Variants in GRK5 observed in about 807,000 individuals in gnomAD.
GRK5 encodes the protein G protein-coupled receptor kinase 5, also known as g protein-coupled receptor kinase GRK5.
GRK5 carries 40 observed loss-of-function variants against 78.4 expected under a neutral mutation model. The observed-to-expected ratio is 0.51, with a 90% CI of 0.40 to 0.66. The LOEUF (loss-of-function observed/expected upper bound fraction) is 0.66. Among genes scored for constraint, GRK5 ranks in the 30% least tolerant of loss-of-function variants. GRK5 has a pLI of 0.00. For missense variants in GRK5, 598 were observed against 759.9 expected (o/e 0.79, Z 2.50); for synonymous variants, 289 against 296.8 (o/e 0.97, Z 0.27).
intron 2 of GRK5, among the ~76,000 whole-genome samples, chr10:119,338,047 G>A (rs1850923324): frequency 6.6e-6 from 1 of 152,182 alleles, no homozygotes; most frequent in African/African-American, 2.4e-5. Context: ...TGAGGTAATG[G>A]GGATTAGGAC....
At chr10:119,385,616 G>A (rs1042743974) in intron 3 of GRK5, among the ~76,000 whole-genome samples, 2 of 152,232 alleles carry the variant, frequency 1.3e-5, no homozygotes, top group Admixed American at 6.5e-5. Flanking sequence ...GACTTGTGTG[G>A]AAGGTGTATT....
rs2133704118 is a variant in GRK5, at chr10:119,217,572, T to A, written c.52+9603T>A. Among the ~76,000 whole-genome samples, 1 of 152,350 alleles carries A rather than the reference T, an allele frequency of 6.6e-6. No individual in the cohort carries two copies. Among genetic ancestry groups the A allele is most frequent in the Non-Finnish European group, 1.5e-5 (1 of 68,030 alleles). On this transcript the variant is annotated intron_variant, in intron 1 of 15. Coordinates refer to ENST00000392870, the MANE Select transcript of GRK5 (RefSeq NM_005308.3). This position sits in a 1 kb window ranked among gnomAD's most constrained non-coding sequence, Gnocchi z 4.1. Reference sequence around the variant, plus strand: ...GCGTTATTTTTCCCCTCAGCATGGCTAGTGGCCAACGAATTGCCCCCAAGG... The same window carrying A: ...GCGTTATTTTTCCCCTCAGCATGGCAAGTGGCCAACGAATTGCCCCCAAGG...
intron 1 of GRK5, among the ~76,000 whole-genome samples, chr10:119,214,244 G>T (rs1178083360): frequency 2.0e-5 from 3 of 152,166 alleles, no homozygotes; most frequent in Non-Finnish European, 4.4e-5. Flanking sequence ...CAAAGTGCTG[G>T]GATTACAGGC....
intron 2 of GRK5, among the ~76,000 whole-genome samples, chr10:119,373,185 G>C (rs571892102): frequency 1.4e-4 from 21 of 152,292 alleles, no homozygotes; most frequent in African/African-American, 4.6e-4. Flanking sequence ...TTAAAAAACT[G>C]GTTCTTTTCC....
chr10:119,333,792 C>T (rs771796945), intron 2 of GRK5: 3 of 532,956 alleles, frequency 5.6e-6, no homozygotes, highest in Non-Finnish European at 1.2e-5. Flanking sequence ...CGCTGATCTC[C>T]TGGAGCTCAT....
At chr10:119,243,486 AAG>A (rs1292100529) in intron 1 of GRK5, among the ~76,000 whole-genome samples, 8 of 152,208 alleles carry the variant, frequency 5.3e-5, no homozygotes, top group Non-Finnish European at 1.0e-4. Context: ...GTATACAAAA[AAG>A]AGAATTTATG....
intron 10 of GRK5, 110 bp downstream of exon 10, chr10:119,439,878 TC>T: frequency 2.1e-6 from 2 of 957,074 alleles, no homozygotes; most frequent in Non-Finnish European, 1.7e-6. Flanking sequence ...CGGGCCCCAC[TC>T]CCACTGCTCA....
intron 1 of GRK5, among the ~76,000 whole-genome samples, chr10:119,316,247 G>T (rs952888897): frequency 7.2e-5 from 11 of 152,214 alleles, no homozygotes; most frequent in Admixed American, 7.2e-4. Context: ...TCAAACTCTA[G>T]AGTCACCTGT....
At chr10:119,340,150 C>T (rs1850960154) in intron 2 of GRK5, among the ~76,000 whole-genome samples, 1 of 142,896 alleles carries the variant, frequency 7.0e-6, no homozygotes, top group Non-Finnish European at 1.5e-5. Context: ...TTTTTTGAGA[C>T]AGAGTCTCAC....
chr10:119,285,751 T>C (rs1002947631), intron 1 of GRK5, among the ~76,000 whole-genome samples: 2 of 152,146 alleles, frequency 1.3e-5, no homozygotes, highest in Non-Finnish European at 2.9e-5. Flanking sequence ...AAACCTGTTT[T>C]ATAAAAGCCA....
chr10:119,291,525 TTCCTCCTCCTCCTCTTCC>T (rs1803468300), intron 1 of GRK5, among the ~76,000 whole-genome samples: 1 of 120,624 alleles, frequency 8.3e-6, no homozygotes, highest in Non-Finnish European at 1.7e-5. Context: ...CCTCCTCCTC[TTCCTCCTCCTCCTCTTCC>T]TCCTCCTCCT....
At chr10:119,254,260 C>T (rs909996721) in intron 1 of GRK5, among the ~76,000 whole-genome samples, 3 of 152,128 alleles carry the variant, frequency 2.0e-5, no homozygotes, top group Non-Finnish European at 2.9e-5. Flanking sequence ...CCAGAGAGGA[C>T]CTATGACCCT....
Position 119,271,199 on chromosome 10 carries a change from G to A in GRK5, c.53-55317G>A, listed in dbSNP as rs1849578016. On this transcript the variant is annotated intron_variant, in intron 1 of 15. Coordinates refer to ENST00000392870, the MANE Select transcript of GRK5 (RefSeq NM_005308.3). This position sits in a 1 kb window ranked among gnomAD's most constrained non-coding sequence, Gnocchi z 4.1. The stretch of plus-strand genomic sequence containing the variant: ...CACCGGAAACCTGCCCGGGCCACAC[G>A]TGTACAGCCACATCCTCCACGCCCT... 6.6e-6 allele frequency among the ~76,000 whole-genome samples: 1 copy of A among 152,030 alleles called. No individual in the cohort carries two copies. Among genetic ancestry groups the A allele is most frequent in the South Asian group, 2.1e-4 (1 of 4,790 alleles).
chr10:119,229,482 A>G (rs1217248475), intron 1 of GRK5, among the ~76,000 whole-genome samples: 2 of 152,136 alleles, frequency 1.3e-5, no homozygotes, highest in Non-Finnish European at 2.9e-5. Flanking sequence ...GTGACCAACT[A>G]ATGAGCAGGG....
intron 4 of GRK5, among the ~76,000 whole-genome samples, chr10:119,422,242 A>T (rs975551763): frequency 2.0e-5 from 3 of 152,170 alleles, no homozygotes; most frequent in Non-Finnish European, 4.4e-5. Flanking sequence ...GCTGCCTTCC[A>T]GATGCGGCCG....
At chr10:119,341,065 A>G (rs567670232) in intron 2 of GRK5, among the ~76,000 whole-genome samples, 2 of 152,148 alleles carry the variant, frequency 1.3e-5, no homozygotes, top group East Asian at 3.9e-4. Context: ...GGCCCAGTGC[A>G]GTGTCCAGTC....
At chr10:119,329,687 G>A (rs578132574) in intron 2 of GRK5, among the ~76,000 whole-genome samples, 8 of 152,018 alleles carry the variant, frequency 5.3e-5, no homozygotes, top group South Asian at 4.2e-4. Flanking sequence ...CCAAGATTGC[G>A]CCATTGCACT....
chr10:119,306,812 G>T (rs967534504), intron 1 of GRK5, among the ~76,000 whole-genome samples: 3 of 152,082 alleles, frequency 2.0e-5, no homozygotes, highest in African/African-American at 7.3e-5. Flanking sequence ...GACTCACTGG[G>T]TGCAGTGTCC....
intron 1 of GRK5, among the ~76,000 whole-genome samples, chr10:119,302,654 C>A (rs1357510201): frequency 6.6e-6 from 1 of 152,178 alleles, no homozygotes; most frequent in Non-Finnish European, 1.5e-5. Context: ...GCCAGCCTAC[C>A]TGGTGGTTTC....
Sources: gnomAD v4.1 joint callset for allele counts (sites outside exome capture counted in the v4.1 genomes callset) on GRCh38, gnomAD v4.1.1 for gene constraint, Gnocchi (gnomAD v3.1) non-coding constraint, MANE v1.5 for transcripts, NCBI Gene and HGNC (gene_info 2026-07-23, HGNC 2026-07-21) for gene names.